Variants in RSF1 observed in about 807,000 individuals in gnomAD.
RSF1 encodes the protein HBV pX-associated protein 8.
RSF1 carries 13 observed loss-of-function variants against 145.2 expected under a neutral mutation model. The observed-to-expected ratio is 0.09, with a 90% confidence interval of 0.06 to 0.14. RSF1 has a LOEUF of 0.14. RSF1 is among the 10% of genes least tolerant of loss of function. The probability of loss-of-function intolerance (pLI) is 1.00; values close to 1 mark genes in which losing one functional copy is unlikely to be tolerated. For missense variants in RSF1, 1,517 were observed against 1,718.2 expected (o/e 0.88, Z 2.07); for synonymous variants, 577 against 592.6 (o/e 0.97, Z 0.38).
At chr11:77,737,393 A>T (rs969440439) in intron 4 of RSF1, among the ~76,000 whole-genome samples, 1 of 151,644 alleles carries the variant, frequency 6.6e-6, no homozygotes, top group Non-Finnish European at 1.5e-5. Flanking sequence ...ATTTGCAGGG[A>T]GCTGAGATCG....
intron 1 of RSF1, among the ~76,000 whole-genome samples, chr11:77,782,527 C>T (rs1194874199): frequency 2.0e-5 from 3 of 148,866 alleles, no homozygotes; most frequent in South Asian, 2.1e-4. Flanking sequence ...GGCCACAGGG[C>T]GAGAATCCGT....
chr11:77,693,435 C>T lies in RSF1; in HGVS notation c.2820+72G>A, dbSNP rs373919694. The T allele has an allele frequency of 1.2e-4, 107 of 893,172 alleles. 1 individual carries two copies. In the African/African-American group the frequency reaches 1.6e-3, roughly 13 times the overall value. The allele number at this position is 893,172 out of a possible 1,614,324, so 55.3% of individuals were successfully genotyped here. ...GCTTTGAAGGTTAAAAATATTCATT[C>T]AGTAGCTATTAAACAGTTATTAATT... On this transcript the variant is annotated intron_variant, in intron 8 of 15. Coordinates refer to ENST00000308488, the MANE Select transcript of RSF1 (RefSeq NM_016578.4).
chr11:77,739,389 G>A (rs552926430), intron 4 of RSF1: 3 of 147,012 alleles, frequency 2.0e-5, no homozygotes, highest in Non-Finnish European at 3.0e-5. Flanking sequence ...ATAATGTCAT[G>A]AATAGATCAT....
intron 5 of RSF1, among the ~76,000 whole-genome samples, chr11:77,722,048 C>T (rs866674064): frequency 1.3e-5 from 2 of 152,070 alleles, no homozygotes; most frequent in Admixed American, 6.5e-5. Context: ...GGCATGGTGG[C>T]GCACACCTGT....
intron 8 of RSF1, 92 bp downstream of exon 8, chr11:77,693,415 G>T (rs1590833411): frequency 1.3e-6 from 1 of 758,780 alleles, no homozygotes; most frequent in Non-Finnish European, 2.3e-6. Flanking sequence ...ACATTGCTTT[G>T]AAGGTTAAAA....
intron 1 of RSF1, among the ~76,000 whole-genome samples, chr11:77,818,459 G>A (rs1280932735): frequency 6.6e-6 from 1 of 152,072 alleles, no homozygotes; most frequent in African/African-American, 2.4e-5. Context: ...ACTTACTAAG[G>A]CATCCTACTT....
At chr11:77,700,639 A>C in intron 6 of RSF1, 82 bp downstream of exon 6, 2 of 987,924 alleles carry the variant, frequency 2.0e-6, no homozygotes, top group Non-Finnish European at 2.9e-6. Flanking sequence ...GTTGTCTTTG[A>C]TGACTAAGTT....
intron 15 of RSF1, among the ~76,000 whole-genome samples, chr11:77,670,729 CCAAA>C (rs1959500142): frequency 6.6e-6 from 1 of 152,070 alleles, no homozygotes; most frequent in Non-Finnish European, 1.5e-5. Context: ...CATCCCACAT[CCAAA>C]CATTTTTTTT....
At chr11:77,832,382 A>G in the RSF1 span, among the ~76,000 whole-genome samples, 2 of 151,616 alleles carry the variant, frequency 1.3e-5, no homozygotes, top group African/African-American at 4.8e-5. Context: ...GCTGGAGTGC[A>G]ATGGTGTGAT....
intron 3 of RSF1, among the ~76,000 whole-genome samples, chr11:77,745,248 G>GT (rs1036563648): frequency 8.6e-5 from 13 of 151,676 alleles, no homozygotes; most frequent in South Asian, 2.1e-4. Flanking sequence ...CTTTTCTACT[G>GT]TTTTTTTCTA....
At chr11:77,794,460 A>G (rs1339811257) in intron 1 of RSF1, among the ~76,000 whole-genome samples, 4 of 152,118 alleles carry the variant, frequency 2.6e-5, no homozygotes, top group Non-Finnish European at 5.9e-5. Flanking sequence ...AGGTGGGAGG[A>G]TTACTTGAGC....
At chr11:77,869,361 G>A in the RSF1 span, among the ~76,000 whole-genome samples, 1 of 139,136 alleles carries the variant, frequency 7.2e-6, no homozygotes, top group African/African-American at 2.8e-5. Context: ...TGCCCAGGAT[G>A]GAGTGCAGTG....
chr11:77,821,092 A>G (rs1254049886), upstream of RSF1: 2 of 447,554 alleles, frequency 4.5e-6, no homozygotes, highest in Non-Finnish European at 7.9e-6. Flanking sequence ...ATGGACGCAG[A>G]GGGGGCGGGG....
At chr11:77,815,584 G>C (rs148252607) in intron 1 of RSF1, among the ~76,000 whole-genome samples, 3 of 151,992 alleles carry the variant, frequency 2.0e-5, no homozygotes, top group African/African-American at 7.2e-5. Flanking sequence ...GATAATTTTA[G>C]TTTACAACTG....
chr11:77,810,456 G>A (rs1196364227), intron 1 of RSF1, among the ~76,000 whole-genome samples: 1 of 152,174 alleles, frequency 6.6e-6, no homozygotes, highest in Admixed American at 6.5e-5. Context: ...TAAAACAGTT[G>A]GATGTAAAAT....
intron 2 of RSF1, among the ~76,000 whole-genome samples, chr11:77,751,528 T>C (rs962175485): frequency 4.6e-5 from 7 of 152,242 alleles, no homozygotes; most frequent in African/African-American, 1.7e-4. Context: ...CCAGAATATC[T>C]TTCTGAAGGA....
At chr11:77,746,497 T>C (rs551175780) in intron 3 of RSF1, among the ~76,000 whole-genome samples, 2 of 152,334 alleles carry the variant, frequency 1.3e-5, no homozygotes, top group African/African-American at 2.4e-5. Context: ...ATTAATGTTT[T>C]CACAAAGAAT....
rs545919715 is a variant in RSF1, at chr11:77,665,219, A to G, written c.*1698T>C. The G allele has an allele frequency of 4.6e-5, 7 of 152,236 alleles. No homozygotes were observed. The highest frequency in any genetic ancestry group is 1.3e-4 in the Admixed American group (2 of 15,274). The allele number at this position is 152,236 out of a possible 1,614,324, so 9.4% of individuals were successfully genotyped here. A position where few individuals can be genotyped will look rare whatever the true frequency, so the allele number is the denominator to read the frequency against. ...AATGCCAGCTTTTTAGTAATAAAAA[A>G]GAGAAGTGCTTTACTATACACTGAC... On this transcript the variant is annotated 3_prime_UTR_variant, in exon 16 of 16. Coordinates refer to ENST00000308488, the MANE Select transcript of RSF1 (RefSeq NM_016578.4).
At chr11:77,677,982 T>G (rs911153965) in intron 12 of RSF1, 104 bp downstream of exon 12, 1 of 776,792 alleles carries the variant, frequency 1.3e-6, no homozygotes. Context: ...TCATGATACA[T>G]AACGGGAAAG....
Sources: allele counts gnomAD v4.1 joint callset (sites outside exome capture counted in the v4.1 genomes callset), GRCh38; gene constraint gnomAD v4.1.1; transcripts MANE v1.5; gene names NCBI Gene and HGNC (gene_info 2026-07-23, HGNC 2026-07-21).